The following FNDC3B variants were observed in gnomAD, a reference collection of about 807,000 sequenced individuals.
The protein encoded by FNDC3B is fibronectin type III domain-containing protein 3B.
In FNDC3B, 12 loss-of-function variants were observed where a neutral mutation model predicts 151.5. The observed-to-expected ratio is 0.08, with a 90% CI of 0.05 to 0.13. The LOEUF (loss-of-function observed/expected upper bound fraction) is 0.13. Ranked by LOEUF, FNDC3B falls within the 10% of genes least tolerant of loss-of-function variation. The pLI is 1.00. For synonymous variants in FNDC3B, 528 were observed against 549.0 expected, an observed-to-expected ratio of 0.96 and a Z score of 0.54; for missense variants, 1,214 against 1,505.3, an observed-to-expected ratio of 0.81 and a Z score of 3.20.
rs537639461 is a variant in FNDC3B, at chr3:172,375,657, G to GCCAT, written c.3009-2612_3009-2611insCATC. 3.7e-3 allele frequency among the ~76,000 whole-genome samples: 571 copies of GCCAT among 152,300 alleles called. 1 individual carries two copies. The highest frequency in any genetic ancestry group is 0.013 in the African/African-American group (546 of 41,566). ...TTTTGGGGAAGGCAGGCCAGTCAAA[G>GCCAT]CAGTGATGGCTTTGATCAGAGCAAC... is the stretch of plus-strand genomic sequence containing the variant. On this transcript the variant is annotated intron_variant, in intron 23 of 25. Transcript: ENST00000415807.
chr3:172,069,288 A>G (rs1468191318), intron 1 of FNDC3B, among the ~76,000 whole-genome samples: 1 of 152,146 alleles, frequency 6.6e-6, no homozygotes, highest in African/African-American at 2.4e-5. Flanking sequence ...TGAAGTGGAC[A>G]GTTTTGAATA....
At chr3:172,243,206 C>T (rs562177128) in intron 4 of FNDC3B, among the ~76,000 whole-genome samples, 8 of 152,344 alleles carry the variant, frequency 5.3e-5, no homozygotes, top group Non-Finnish European at 1.0e-4. Flanking sequence ...CTGCCTTCTT[C>T]TGAGCCCTCC....
intron 3 of FNDC3B, among the ~76,000 whole-genome samples, chr3:172,198,461 C>A (rs1031182863): frequency 3.3e-5 from 5 of 152,252 alleles, no homozygotes; most frequent in Middle Eastern, 3.4e-3. Context: ...TACACTGATA[C>A]CTCCAATTCT....
chr3:172,325,704 A>T (rs1340036841), intron 11 of FNDC3B, among the ~76,000 whole-genome samples: 1 of 152,242 alleles, frequency 6.6e-6, no homozygotes, highest in South Asian at 2.1e-4. Context: ...GCACGCTGGC[A>T]TCGGATCACT....
intron 3 of FNDC3B, among the ~76,000 whole-genome samples, chr3:172,177,492 A>T (rs1189619916): frequency 6.6e-6 from 1 of 152,170 alleles, no homozygotes. Flanking sequence ...AAGTGAAGGG[A>T]TTCTCAAACA....
chr3:172,178,072 A>G (rs1723701390), intron 3 of FNDC3B, among the ~76,000 whole-genome samples: 1 of 152,050 alleles, frequency 6.6e-6, no homozygotes, highest in Non-Finnish European at 1.5e-5. Flanking sequence ...GTGTCTGTGT[A>G]CCACATTTAG....
rs115069531 is a variant in FNDC3B at position 172,307,650 on chromosome 3, C to T, written c.1200+149C>T. ...TCAAGGCTGCAGTGAGCCATGATCA[C>T]GCCACTGCACTCCACCCTGGGCAAC... On this transcript the variant is annotated intron_variant, in intron 10 of 25. Transcript: ENST00000415807. The T allele has an allele frequency of 3.5e-3, 2,384 of 679,508 alleles. 6 individuals are homozygous for T. Among genetic ancestry groups the T allele is most frequent in the Admixed American group, 5.0e-3 (201 of 39,814 alleles). The allele number at this position is 679,508 out of a possible 1,614,324, so 42.1% of individuals were successfully genotyped here.
At chr3:172,324,589 A>G (rs1177708705) in intron 11 of FNDC3B, among the ~76,000 whole-genome samples, 2 of 152,220 alleles carry the variant, frequency 1.3e-5, no homozygotes, top group African/African-American at 2.4e-5. Flanking sequence ...TTGCCCTTGA[A>G]TGAACTTGGT....
rs776767343 is a variant in FNDC3B, at chr3:172,295,405, C to T, written c.892C>T (p.Pro298Ser). 1 of 1,614,050 alleles carries T rather than the reference C, an allele frequency of 6.2e-7. No individual in the cohort carries two copies. Among genetic ancestry groups the T allele is most frequent in the Non-Finnish European group, 8.5e-7 (1 of 1,179,914 alleles). The change falls in exon 8 of 26, where the codon CCC (proline) becomes TCC (serine). Residue 298 changes from proline to serine, a missense_variant. Physicochemically the swap from Pro to Ser is moderately conservative, Grantham distance 74 (BLOSUM62 -1). This residue lies in a region of FNDC3B where 156 missense variants were observed against 225.3 expected (regional missense o/e 0.69). Coordinates refer to ENST00000415807, the MANE Select transcript of FNDC3B (RefSeq NM_022763.4). ...AAGAGCAGTTGTGTTGTCCTGGGCTCCCCCTGTTGGACTTTCCTGTGGACC... is the reference window on the plus strand; with the variant it reads ...AAGAGCAGTTGTGTTGTCCTGGGCTTCCCCTGTTGGACTTTCCTGTGGACC... ...QARAVVLSWA[P>S]PVGLSCGPHS... is the part of the protein sequence containing the mutation.
At chr3:172,116,996 T>C (rs912599053) in intron 2 of FNDC3B, among the ~76,000 whole-genome samples, 6 of 152,258 alleles carry the variant, frequency 3.9e-5, no homozygotes, top group African/African-American at 1.4e-4. Context: ...GATAGACATC[T>C]GAGTTATTTT....
At chr3:172,112,676 G>A (rs373438529) in intron 2 of FNDC3B, 86 bp downstream of exon 2, 2 of 954,592 alleles carry the variant, frequency 2.1e-6, no homozygotes, top group African/African-American at 1.6e-5. Context: ...GGATTCAAAG[G>A]TTTGTGATTT....
intron 3 of FNDC3B, among the ~76,000 whole-genome samples, chr3:172,179,653 G>C (rs538311841): frequency 6.6e-6 from 1 of 151,780 alleles, no homozygotes; most frequent in South Asian, 2.1e-4. Context: ...AAGTTAAGGT[G>C]GGAGGACCAC....
chr3:172,213,738 C>A (rs1329220232), intron 3 of FNDC3B, among the ~76,000 whole-genome samples: 1 of 152,112 alleles, frequency 6.6e-6, no homozygotes, highest in African/African-American at 2.4e-5. Context: ...GATTAGCAAA[C>A]CCCAAAGGCT....
At chr3:172,068,941 C>T (rs1717638966) in intron 1 of FNDC3B, among the ~76,000 whole-genome samples, 1 of 152,110 alleles carries the variant, frequency 6.6e-6, no homozygotes, top group African/African-American at 2.4e-5. Flanking sequence ...AGCAACTTGC[C>T]TGAAGTTAAA....
chr3:172,070,126 A>T (rs1206961100), intron 1 of FNDC3B, among the ~76,000 whole-genome samples: 1 of 152,152 alleles, frequency 6.6e-6, no homozygotes, highest in East Asian at 1.9e-4. Flanking sequence ...CTAACCTCTA[A>T]TTGAAAATCT....
chr3:172,268,463 G>T (rs1042145550), intron 6 of FNDC3B, among the ~76,000 whole-genome samples: 3 of 152,200 alleles, frequency 2.0e-5, no homozygotes, highest in Non-Finnish European at 4.4e-5. Context: ...GTTTTGGCCA[G>T]ACCTGAGAAC....
chr3:172,238,360 T>G (rs949011606), intron 4 of FNDC3B, among the ~76,000 whole-genome samples: 1 of 152,204 alleles, frequency 6.6e-6, no homozygotes, highest in Non-Finnish European at 1.5e-5. Context: ...TTTGCCACGT[T>G]GCCCAGTCTG....
At chr3:172,128,278 C>G (rs887619933) in intron 2 of FNDC3B, among the ~76,000 whole-genome samples, 1 of 152,182 alleles carries the variant, frequency 6.6e-6, no homozygotes, top group African/African-American at 2.4e-5. Context: ...ACATCTTCTT[C>G]CAGGATCTTT....
chr3:172,204,029 A>G (rs1725303387), intron 3 of FNDC3B, among the ~76,000 whole-genome samples: 2 of 152,222 alleles, frequency 1.3e-5, no homozygotes, highest in Non-Finnish European at 2.9e-5. Flanking sequence ...GTGAACTAAT[A>G]GGAAAGCTGA....
Sources: allele counts gnomAD v4.1 joint callset (sites outside exome capture counted in the v4.1 genomes callset), GRCh38; gene constraint gnomAD v4.1.1; regional missense constraint gnomAD v4.1.1; transcripts MANE v1.5; gene names NCBI Gene and HGNC (gene_info 2026-07-23, HGNC 2026-07-21).